The following RELN variants were observed in gnomAD, a reference collection of about 807,000 sequenced individuals.
The protein encoded by RELN is reelin.
In RELN, 108 loss-of-function variants were observed where a neutral mutation model predicts 427.6. The ratio of observed to expected loss-of-function variants is 0.25; its 90% CI spans 0.22 to 0.30. RELN has a LOEUF of 0.30. Ranked by LOEUF, RELN falls within the 10% of genes least tolerant of loss-of-function variation. The probability of loss-of-function intolerance (pLI) is 1.00; values close to 1 mark genes in which losing one functional copy is unlikely to be tolerated. For missense variants in RELN, 3,715 were observed against 4,302.8 expected (o/e 0.86, Z 3.82); for synonymous variants, 1,524 against 1,513.4 (o/e 1.01, Z -0.16).
intron 16 of RELN, among the ~76,000 whole-genome samples, chr7:103,646,875 AT>A (rs1426311780): frequency 6.6e-6 from 1 of 152,078 alleles, no homozygotes; most frequent in Non-Finnish European, 1.5e-5. Flanking sequence ...CCTTAACAAA[AT>A]ATTAGCAAAC....
At position 103,563,337 on chromosome 7, in the gene RELN, C is replaced by T. The variant is rs527690995; in HGVS notation, c.5211-1384G>A. 6.6e-6 allele frequency among the ~76,000 whole-genome samples: 1 copy of T among 152,092 alleles called. No individual in the cohort carries two copies. Among genetic ancestry groups the T allele is most frequent in the Non-Finnish European group, 1.5e-5 (1 of 68,004 alleles). ...CTAATTGACATCTTGATGATTCTGA[C>T]CTTGTGTATGCCAAGGCTAATAATG... On this transcript the variant is annotated intron_variant, in intron 34 of 64. Coordinates refer to ENST00000428762, the MANE Select transcript of RELN (RefSeq NM_005045.4). This position sits in a 1 kb window ranked among gnomAD's most constrained non-coding sequence, Gnocchi z 4.1.
intron 20 of RELN, among the ~76,000 whole-genome samples, chr7:103,612,192 A>G (rs1230634521): frequency 6.6e-6 from 1 of 152,230 alleles, no homozygotes; most frequent in African/African-American, 2.4e-5. Context: ...ATTGGTAACA[A>G]TGTCAATGTC....
chr7:103,495,986 C>G (rs569099134), intron 56 of RELN, 88 bp from the exon 57 acceptor site: 1 of 1,368,714 alleles, frequency 7.3e-7, no homozygotes, highest in Non-Finnish European at 1.0e-6. Flanking sequence ...TTGAACTGAC[C>G]GATTTATTGT....
intron 49 of RELN, among the ~76,000 whole-genome samples, chr7:103,519,089 G>A (rs905937590): frequency 2.0e-5 from 3 of 152,016 alleles, no homozygotes; most frequent in African/African-American, 4.8e-5. Context: ...TTTATTCACC[G>A]TTGGCATTGT....
intron 58 of RELN, 95 bp downstream of exon 58, chr7:103,491,848 TCTCTCTCTCA>T (rs1324357606): frequency 1.5e-4 from 85 of 582,022 alleles, no homozygotes; most frequent in East Asian, 4.0e-4. Context: ...TCTCTCTCTC[TCTCTCTCTCA>T]CACACACACA....
At chr7:103,969,584 T>G (rs1796722219) in intron 1 of RELN, among the ~76,000 whole-genome samples, 1 of 152,156 alleles carries the variant, frequency 6.6e-6, no homozygotes, top group African/African-American at 2.4e-5. Context: ...ATCTAGGAAA[T>G]AAATTAAATA....
At chr7:103,728,024 AC>A in intron 7 of RELN, 86 bp downstream of exon 7, 1 of 1,230,326 alleles carries the variant, frequency 8.1e-7, no homozygotes, top group East Asian at 2.4e-5. Flanking sequence ...TTTCATCTGA[AC>A]TTTAAGAGCA....
rs149802987 is a variant in RELN at position 103,688,613 on chromosome 7, C to T, written c.1144-6352G>A. On this transcript the variant is annotated intron_variant, in intron 10 of 64. Transcript: ENST00000428762. Reference sequence around the variant, plus strand: ...TTGTGTTAAGGCTAAATTTTTCGGACAAATTACATTTTTTTTCATAATTTG... The same window carrying T: ...TTGTGTTAAGGCTAAATTTTTCGGATAAATTACATTTTTTTTCATAATTTG... Among the ~76,000 whole-genome samples the T allele has an allele frequency of 2.9e-3, 441 of 152,058 alleles. 1 individual carries two copies. Among genetic ancestry groups the T allele is most frequent in the Non-Finnish European group, 3.3e-3 (223 of 67,980 alleles).
chr7:103,724,115 T>C (rs1460095227), intron 7 of RELN, among the ~76,000 whole-genome samples: 2 of 152,140 alleles, frequency 1.3e-5, no homozygotes, highest in Admixed American at 6.6e-5. Flanking sequence ...CCGTATGCAA[T>C]AGAAAGTGGA....
intron 3 of RELN, among the ~76,000 whole-genome samples, chr7:103,826,601 C>G (rs1793147157): frequency 6.6e-6 from 1 of 151,982 alleles, no homozygotes; most frequent in South Asian, 2.1e-4. Flanking sequence ...TCTCAGACGT[C>G]TTTGTCATCA....
intron 3 of RELN, among the ~76,000 whole-genome samples, chr7:103,814,501 T>C (rs1032731424): frequency 6.6e-6 from 1 of 152,226 alleles, no homozygotes; most frequent in Non-Finnish European, 1.5e-5. Flanking sequence ...AAGGTCATGG[T>C]TCATATACAT....
intron 16 of RELN, among the ~76,000 whole-genome samples, chr7:103,645,443 C>G (rs1832778548): frequency 6.6e-6 from 1 of 151,548 alleles, no homozygotes; most frequent in Non-Finnish European, 1.5e-5. Flanking sequence ...AAAACATATT[C>G]CAAACAAACA....
rs961736467 is a variant in RELN, at chr7:103,574,040, C to T, written c.4511+52G>A. On this transcript the variant is annotated intron_variant, in intron 30 of 64. Coordinates refer to ENST00000428762, the MANE Select transcript of RELN (RefSeq NM_005045.4). ...CAGAATGTTTTAAGTTAGACTACAT[C>T]GTGTGGTAAATAATATGTTTGTGAA... 1.9e-5 allele frequency: 26 copies of T among 1,342,270 alleles called. No individual in the cohort carries two copies. In the Middle Eastern group the frequency reaches 5.3e-4, roughly 28 times the overall value. 83.1% of individuals were successfully genotyped at this position (1,342,270 alleles called of 1,614,324 possible). A position where few individuals can be genotyped will look rare whatever the true frequency, so the allele number is the denominator to read the frequency against.
At chr7:103,793,745 G>C (rs1792224746) in intron 3 of RELN, among the ~76,000 whole-genome samples, 2 of 152,134 alleles carry the variant, frequency 1.3e-5, no homozygotes, top group African/African-American at 4.8e-5. Context: ...GTCATCGGTA[G>C]TACAAGTGAA....
intron 2 of RELN, among the ~76,000 whole-genome samples, chr7:103,852,945 T>A (rs1213901705): frequency 6.6e-6 from 1 of 151,906 alleles, no homozygotes; most frequent in African/African-American, 2.4e-5. Flanking sequence ...AAAAGACAAA[T>A]CTTTTTAAAA....
At position 103,621,021 on chromosome 7, in the gene RELN, G is replaced by A. The variant is rs571247864; in HGVS notation, c.2702+8919C>T. Among the ~76,000 whole-genome samples the A allele has an allele frequency of 2.0e-5, 3 of 152,268 alleles. No homozygotes were observed. The South Asian group carries it at 6.2e-4, about 32-fold the overall frequency. The stretch of plus-strand genomic sequence containing the variant: ...TTTCCTTCCAACTCTGTGCAACCAC[G>A]TGCCTTATTTAGAGCATACTCAAAC... On this transcript the variant is annotated intron_variant, in intron 20 of 64. Coordinates refer to ENST00000428762, the MANE Select transcript of RELN (RefSeq NM_005045.4).
rs1272978608 is a variant in RELN, at chr7:103,746,350, G to A, written c.656+3076C>T. On this transcript the variant is annotated intron_variant, in intron 6 of 64. Coordinates refer to ENST00000428762, the MANE Select transcript of RELN (RefSeq NM_005045.4). The stretch of plus-strand genomic sequence containing the variant: ...CCTAGGCAATACCATTCAGGACATA[G>A]GTATGGGCAAGGACTTCATGTCTAA... 3.3e-5 allele frequency among the ~76,000 whole-genome samples: 5 copies of A among 152,164 alleles called. No individual in the cohort carries two copies. In the East Asian group the frequency reaches 7.7e-4, roughly 23 times the overall value.
At chr7:103,614,467 C>G (rs1832035162) in intron 20 of RELN, among the ~76,000 whole-genome samples, 1 of 152,162 alleles carries the variant, frequency 6.6e-6, no homozygotes, top group African/African-American at 2.4e-5. Context: ...AATTGGCTGC[C>G]ATATCCTTTT....
chr7:103,715,641 T>C (rs191324512), intron 8 of RELN, among the ~76,000 whole-genome samples: 1 of 152,274 alleles, frequency 6.6e-6, no homozygotes, highest in Non-Finnish European at 1.5e-5. Flanking sequence ...TGTGCCTTTC[T>C]CCCTTCCAGT....
Sources: allele counts gnomAD v4.1 joint callset (sites outside exome capture counted in the v4.1 genomes callset), GRCh38; gene constraint gnomAD v4.1.1; non-coding constraint Gnocchi (gnomAD v3.1); transcripts MANE v1.5; gene names NCBI Gene and HGNC (gene_info 2026-07-23, HGNC 2026-07-21).